FKBP11: variants seen among roughly 807,000 people sequenced by gnomAD.
FKBP11 encodes peptidyl-prolyl cis-trans isomerase FKBP11.
Under a neutral mutation model 24.7 loss-of-function variants are expected in FKBP11, and 21 were observed. That is an observed-to-expected ratio of 0.85 (90% confidence interval 0.60 to 1.23). The LOEUF (loss-of-function observed/expected upper bound fraction) is 1.23, where lower values mean the gene tolerates loss of function less well. Ranked by LOEUF, FKBP11 falls within the 50% of genes most tolerant of loss-of-function variation. FKBP11 has a pLI of 0.00. For missense variants in FKBP11, 245 were observed against 248.7 expected (o/e 0.99, Z 0.10); for synonymous variants, 106 against 100.6 (o/e 1.05, Z -0.32).
upstream of FKBP11, chr12:48,925,695 GC>G: frequency 9.5e-6 from 5 of 524,138 alleles, no homozygotes; most frequent in Non-Finnish European, 1.4e-5. Flanking sequence ...CGTGGGTCGG[GC>G]CAAACAATAG....
At chr12:48,931,733 C>T in the FKBP11 span, 1 of 468,098 alleles carries the variant, frequency 2.1e-6, no homozygotes, top group Middle Eastern at 5.3e-4. Context: ...ATCAAGGTTG[C>T]ATGACTATTA....
At chr12:48,926,545 GGGA>G (rs1374984756), upstream of FKBP11, 1 of 115,490 alleles carries the variant, frequency 8.7e-6, no homozygotes, top group Non-Finnish European at 2.0e-5. Flanking sequence ...TTTTTTGAGG[GGGA>G]GGAGTTTTGC....
rs755093506 is a variant in FKBP11, at chr12:48,923,821, A to G, written c.349T>C (p.Leu117=). The G allele has an allele frequency of 6.2e-7, 1 of 1,614,198 alleles. No homozygotes were observed. The highest frequency in any genetic ancestry group is 1.7e-5 in the Admixed American group (1 of 60,018). The change falls in exon 5 of 6, where the codon TTG becomes CTG. Residue 117 remains leucine, a synonymous_variant. Transcript: ENST00000550765. ...GGAAATCCCCGTTTTCCATAGGCCA[A>G]GTGAGAAGGAATGATTGCCCTTCGC... is the stretch of plus-strand genomic sequence containing the variant. The part of the protein sequence containing the change: ...EKRRAIIPSH[L]AYGKRGFPPS...
intron 5 of FKBP11, chr12:48,923,496 G>T: frequency 6.4e-7 from 1 of 1,550,562 alleles, no homozygotes; most frequent in Non-Finnish European, 8.7e-7. Flanking sequence ...TTCTGGGAAA[G>T]GTGGTGGCAC....
chr12:48,925,367 G>A lies in FKBP11; in HGVS notation c.62C>T (p.Ala21Val), dbSNP rs1303994242. The A allele has an allele frequency of 6.2e-7, 1 of 1,604,470 alleles. No homozygotes were observed. Among genetic ancestry groups the A allele is most frequent in the East Asian group, 2.2e-5 (1 of 44,630 alleles). The change falls in exon 1 of 6, where the codon GCG becomes GTG. Residue 21 changes from alanine (A) to valine (V), a missense_variant. By Grantham distance (64) the Ala-to-Val change is moderately conservative. Coordinates refer to ENST00000550765, the MANE Select transcript of FKBP11 (RefSeq NM_016594.3). Reference sequence around the variant, plus strand: ...GAGCCCAGCCTCAGCCCGGCACACCGCCGCACTGAGCAGCAGCAGCAGCAG... The same window carrying A: ...GAGCCCAGCCTCAGCCCGGCACACCACCGCACTGAGCAGCAGCAGCAGCAG... ...HLLLLLLLSAAVCRAEAGLET... is the reference protein window; with the variant it reads ...HLLLLLLLSAVVCRAEAGLET...
intron 4 of FKBP11, 155 bp from the exon 5 acceptor site, chr12:48,924,007 TC>T: frequency 2.2e-6 from 2 of 892,256 alleles, no homozygotes; most frequent in Non-Finnish European, 3.7e-6. Flanking sequence ...AGCAAAGGTG[TC>T]CATCTCCCCA....
chr12:48,934,445 G>A, the FKBP11 span, among the ~76,000 whole-genome samples: 4 of 152,172 alleles, frequency 2.6e-5, no homozygotes, highest in Admixed American at 2.0e-4. Context: ...AGAGCTGGGT[G>A]CTAAGTATCT....
In FKBP11 at chr12:48,925,369, C is replaced by G. The variant is rs762924188; in HGVS notation, c.60G>C (p.Ala20=). The change falls in exon 1 of 6, where the codon GCG becomes GCC. Residue 20 remains alanine (A), a synonymous_variant. Coordinates refer to ENST00000550765, the MANE Select transcript of FKBP11 (RefSeq NM_016594.3). ...GCCCAGCCTCAGCCCGGCACACCGC[C>G]GCACTGAGCAGCAGCAGCAGCAGCA... is the stretch of plus-strand genomic sequence containing the variant. ...LHLLLLLLLS[A]AVCRAEAGLE... is the part of the protein sequence containing the mutation. 134 of 1,604,742 alleles carry G rather than the reference C, an allele frequency of 8.4e-5. No homozygotes were observed. Among genetic ancestry groups the G allele is most frequent in the Non-Finnish European group, 1.1e-4 (124 of 1,176,732 alleles).
chr12:48,926,863 G>A (rs1245731503), upstream of FKBP11, among the ~76,000 whole-genome samples: 1 of 152,082 alleles, frequency 6.6e-6, no homozygotes, highest in Non-Finnish European at 1.5e-5. Context: ...AGGCTGGAGT[G>A]CAATGGCACG....
the FKBP11 span, chr12:48,937,504 C>T: frequency 2.6e-5 from 4 of 152,350 alleles, no homozygotes; most frequent in Non-Finnish European, 5.9e-5. Context: ...CGGGGAGAAT[C>T]CTGAAGACCA....
upstream of FKBP11, chr12:48,925,618 C>CCTCT (rs1939948283): frequency 1.5e-6 from 1 of 674,116 alleles, no homozygotes; most frequent in South Asian, 2.0e-5. Context: ...CGAGGGGCGC[C>CCTCT]CTCTGTACCC....
the FKBP11 span, chr12:48,938,512 G>A: frequency 2.2e-6 from 1 of 452,346 alleles, no homozygotes; most frequent in Non-Finnish European, 4.5e-6. Flanking sequence ...AGAGGCCCGT[G>A]CAATTTCCAT....
upstream of FKBP11, chr12:48,925,594 G>C: frequency 1.1e-6 from 1 of 894,308 alleles, no homozygotes; most frequent in Non-Finnish European, 1.7e-6. Flanking sequence ...CCCCACCTCC[G>C]AAAGGGAGGA....
chr12:48,928,818 CTTT>C (rs1196484675), upstream of FKBP11, among the ~76,000 whole-genome samples: 5 of 94,224 alleles, frequency 5.3e-5, no homozygotes, highest in Non-Finnish European at 8.1e-5. Context: ...AAACTTCTAT[CTTT>C]TTTTTTTTTT....
chr12:48,925,016 G>A, intron 2 of FKBP11, 30 bp downstream of exon 2: 1 of 1,188,038 alleles, frequency 8.4e-7, no homozygotes, highest in Non-Finnish European at 1.2e-6. Flanking sequence ...CCCCCTCCCA[G>A]GCCCCGCCCC....
At chr12:48,925,916 C>T (rs3759146), upstream of FKBP11, 50,875 of 155,156 alleles carry the variant, frequency 0.33, 9,383 homozygotes, top group Admixed American at 0.48. Context: ...TCTTCCAAGT[C>T]GTCTCCTTGT....
At chr12:48,923,663 T>G (rs1939887208) in intron 5 of FKBP11, 119 bp downstream of exon 5, 15 of 1,580,394 alleles carry the variant, frequency 9.5e-6, no homozygotes, top group Non-Finnish European at 1.3e-5. Context: ...CAGCCACTCC[T>G]ATCTGTCTAA....
At chr12:48,922,258 G>A in intron 5 of FKBP11, 57 bp from the exon 6 acceptor site, 2 of 1,500,538 alleles carry the variant, frequency 1.3e-6, no homozygotes, top group Non-Finnish European at 1.8e-6. Flanking sequence ...CCAGGGCTCA[G>A]AATCTGAATG....
intron 5 of FKBP11, chr12:48,923,382 T>G: frequency 6.9e-7 from 1 of 1,452,694 alleles, no homozygotes; most frequent in Non-Finnish European, 9.0e-7. Flanking sequence ...TGTGATTATT[T>G]TTACTGTCTC....
Sources: allele counts gnomAD v4.1 joint callset (sites outside exome capture counted in the v4.1 genomes callset), GRCh38; gene constraint gnomAD v4.1.1; transcripts MANE v1.5; gene names NCBI Gene and HGNC (gene_info 2026-07-23, HGNC 2026-07-21).